ANK2: variants seen among roughly 807,000 people sequenced by gnomAD.
ANK2 encodes ankyrin 2.
Under a neutral mutation model 360.5 loss-of-function variants are expected in ANK2, and 83 were observed. That is an observed-to-expected ratio of 0.23 (90% CI 0.19 to 0.28). ANK2 has a LOEUF of 0.28. Among genes scored for constraint, ANK2 ranks in the 10% least tolerant of loss-of-function variants. The pLI, the probability that ANK2 is intolerant of heterozygous loss-of-function variation, is 1.00. For missense variants in ANK2, 4,201 were observed against 4,795.7 expected, an observed-to-expected ratio of 0.88 and a Z score of 3.66; for synonymous variants, 1,740 against 1,759.5, an observed-to-expected ratio of 0.99 and a Z score of 0.28.
chr4:112,829,193 A>G (rs934678774), intron 1 of ANK2, among the ~76,000 whole-genome samples: 2 of 151,998 alleles, frequency 1.3e-5, no homozygotes, highest in African/African-American at 2.4e-5. Flanking sequence ...ATGAATGAAT[A>G]AAATGCAGTT....
intron 1 of ANK2, chr4:113,145,967 C>A: frequency 7.8e-7 from 1 of 1,289,762 alleles, no homozygotes; most frequent in Admixed American, 2.3e-5. Flanking sequence ...ACTACTATGG[C>A]TGTAACAGTG....
At chr4:112,769,658 C>T in the ANK2 span, among the ~76,000 whole-genome samples, 1 of 152,122 alleles carries the variant, frequency 6.6e-6, no homozygotes, top group Non-Finnish European at 1.5e-5. Context: ...AAGGAGTGCC[C>T]AGGTTAAACA....
intron 43 of ANK2, chr4:113,372,517 T>A (rs1328091134): frequency 6.7e-7 from 1 of 1,498,648 alleles, no homozygotes; most frequent in South Asian, 1.2e-5. Context: ...AAGCAATGCT[T>A]CCATGCTTCC....
the ANK2 span, among the ~76,000 whole-genome samples, chr4:112,804,999 TG>T: frequency 1.3e-5 from 2 of 152,282 alleles, no homozygotes; most frequent in East Asian, 3.9e-4. Flanking sequence ...ACACAAAAAT[TG>T]TGCCTCACAG....
At chr4:112,773,887 G>A in the ANK2 span, among the ~76,000 whole-genome samples, 5 of 151,880 alleles carry the variant, frequency 3.3e-5, no homozygotes, top group African/African-American at 9.7e-5. Flanking sequence ...TGCAACCTCC[G>A]CCTCCCAGGT....
the ANK2 span, among the ~76,000 whole-genome samples, chr4:112,766,036 T>C: frequency 3.3e-4 from 50 of 152,278 alleles, no homozygotes; most frequent in African/African-American, 1.0e-3. Context: ...AGTAGATGCT[T>C]AATAAATATT....
At chr4:112,750,666 C>T in the ANK2 span, among the ~76,000 whole-genome samples, 1 of 151,794 alleles carries the variant, frequency 6.6e-6, no homozygotes, top group Non-Finnish European at 1.5e-5. Context: ...GGAATGGCTA[C>T]TCTATAGGCA....
At chr4:112,766,763 T>C in the ANK2 span, among the ~76,000 whole-genome samples, 1 of 152,206 alleles carries the variant, frequency 6.6e-6, no homozygotes, top group East Asian at 1.9e-4. Context: ...AAACCAATCA[T>C]TGTGCCCTGA....
intron 26 of ANK2, among the ~76,000 whole-genome samples, chr4:113,320,770 T>C (rs1443114028): frequency 6.6e-6 from 1 of 152,230 alleles, no homozygotes; most frequent in Non-Finnish European, 1.5e-5. Context: ...AGTTGTTTTA[T>C]ATATAAACTG....
At chr4:113,122,573 C>T (rs1392423560) in intron 1 of ANK2, among the ~76,000 whole-genome samples, 1 of 152,066 alleles carries the variant, frequency 6.6e-6, no homozygotes, top group Non-Finnish European at 1.5e-5. Context: ...ACCACATTAA[C>T]ATAAAGTTGA....
intron 1 of ANK2, among the ~76,000 whole-genome samples, chr4:112,885,981 T>C (rs2078256534): frequency 6.6e-6 from 1 of 151,922 alleles, no homozygotes; most frequent in Non-Finnish European, 1.5e-5. Context: ...CCCTGGCACA[T>C]GGAAGTGGAG....
rs371640245 is a variant in ANK2 at position 112,820,329 on chromosome 4, T to C, written c.-40+2065T>C. 4.4e-3 allele frequency among the ~76,000 whole-genome samples: 663 copies of C among 152,324 alleles called. 5 individuals are homozygous for C. Among genetic ancestry groups the C allele is most frequent in the African/African-American group, 0.015 (610 of 41,578 alleles). On this transcript the variant is annotated intron_variant, in intron 1 of 30. Coordinates refer to the ANK2 transcript ENST00000503271. Reference sequence around the variant, plus strand: ...CTGGACCAGACCCTATTAGGACTGATAGTTCAGCCATATTTCACAGAGGGT... The same window carrying C: ...CTGGACCAGACCCTATTAGGACTGACAGTTCAGCCATATTTCACAGAGGGT...
At chr4:113,067,585 G>C (rs2076079527) in intron 1 of ANK2, among the ~76,000 whole-genome samples, 1 of 152,134 alleles carries the variant, frequency 6.6e-6, no homozygotes, top group African/African-American at 2.4e-5. Context: ...GAAATCACGA[G>C]TAATAAAATC....
intron 45 of ANK2, among the ~76,000 whole-genome samples, chr4:113,379,329 G>C (rs1209512170): frequency 6.6e-6 from 1 of 152,152 alleles, no homozygotes; most frequent in Non-Finnish European, 1.5e-5. Context: ...TGGTGAATTT[G>C]AAGCCAGGAA....
chr4:113,021,581 C>T (rs2058200276), intron 2 of ANK2, among the ~76,000 whole-genome samples: 5 of 74,616 alleles, frequency 6.7e-5, no homozygotes, highest in African/African-American at 1.6e-4. Context: ...TATATATATG[C>T]CAAGGAGCCT....
the ANK2 span, among the ~76,000 whole-genome samples, chr4:112,741,418 A>G: frequency 6.6e-6 from 1 of 152,150 alleles, no homozygotes; most frequent in Non-Finnish European, 1.5e-5. Flanking sequence ...CTGACAAAGC[A>G]AAGCCTGCTC....
chr4:113,201,765 C>A (rs1429807127), intron 4 of ANK2, among the ~76,000 whole-genome samples: 2 of 152,166 alleles, frequency 1.3e-5, no homozygotes, highest in African/African-American at 4.8e-5. Context: ...AATGTATATG[C>A]TTTGGAGGCT....
chr4:112,884,957 A>G (rs1363015840), intron 1 of ANK2, among the ~76,000 whole-genome samples: 1 of 152,224 alleles, frequency 6.6e-6, no homozygotes, highest in African/African-American at 2.4e-5. Flanking sequence ...ATAACTTATT[A>G]GAACAGAAGC....
intron 34 of ANK2, 93 bp from the exon 35 acceptor site, chr4:113,345,807 A>G: frequency 6.5e-7 from 1 of 1,530,152 alleles, no homozygotes; most frequent in South Asian, 1.1e-5. Flanking sequence ...GCAGTAACAA[A>G]TGAATTTTAC....
Sources: gnomAD v4.1 joint callset for allele counts (sites outside exome capture counted in the v4.1 genomes callset) on GRCh38, gnomAD v4.1.1 for gene constraint, MANE v1.5 for transcripts, NCBI Gene and HGNC (gene_info 2026-07-23, HGNC 2026-07-21) for gene names.